The following DGKD variants were observed in gnomAD, a reference collection of about 807,000 sequenced individuals.
DGKD encodes the protein DAG kinase delta.
A neutral mutation model predicts 154.4 loss-of-function variants in DGKD; 68 were observed. The ratio of observed to expected loss-of-function variants is 0.44; its 90% CI spans 0.36 to 0.54. DGKD has a LOEUF of 0.54. DGKD is among the 20% of genes least tolerant of loss of function. DGKD has a pLI of 0.00. For synonymous variants in DGKD, 693 were observed against 638.0 expected (o/e 1.09, Z -1.30); for missense variants, 1,343 against 1,593.6 (o/e 0.84, Z 2.68).
At chr2:233,390,741 G>GT (rs1161159391) in intron 3 of DGKD, among the ~76,000 whole-genome samples, 5 of 151,838 alleles carry the variant, frequency 3.3e-5, no homozygotes, top group South Asian at 2.1e-4. Context: ...CGTCTGTTTT[G>GT]TTTTTTTTGA....
Position 233,452,957 on chromosome 2 carries a change from A to G in DGKD, c.2264+897A>G, listed in dbSNP as rs1019043537. Among the ~76,000 whole-genome samples the G allele has an allele frequency of 2.6e-5, 4 of 152,108 alleles. No individual in the cohort carries two copies. Among genetic ancestry groups the G allele is most frequent in the Non-Finnish European group, 5.9e-5 (4 of 68,012 alleles). ...AGGTGCTGGCCTGGTACAGCACTTC[A>G]GTGTCCCTGTTCCTGGCCTGGTCTA... On this transcript the variant is annotated intron_variant, in intron 18 of 29. Transcript: ENST00000264057. This position sits in a 1 kb window ranked among gnomAD's most constrained non-coding sequence, Gnocchi z 4.0.
intron 3 of DGKD, among the ~76,000 whole-genome samples, chr2:233,396,882 TGATGGAG>T (rs1704078566): frequency 6.7e-6 from 1 of 149,174 alleles, no homozygotes; most frequent in African/African-American, 2.5e-5. Flanking sequence ...CCAGGGTGGC[TGATGGAG>T]GCCAGAGCAA....
intron 1 of DGKD, among the ~76,000 whole-genome samples, chr2:233,365,284 G>T (rs1037957700): frequency 6.6e-6 from 1 of 151,770 alleles, no homozygotes; most frequent in African/African-American, 2.4e-5. Flanking sequence ...AGACTGGAGT[G>T]TAATGGTGCA....
chr2:233,467,129 T>G lies in DGKD; in HGVS notation c.3350T>G (p.Phe1117Cys). ...DLAKRSRSGK[F>C]RLVTKFKKEK... is the part of the protein sequence containing the mutation. Reference sequence around the variant, plus strand: ...GCCAAGCGCAGTCGCAGTGGTAAATTCCGCCTCGTGACCAAGTTTAAAAAG... The same window carrying G: ...GCCAAGCGCAGTCGCAGTGGTAAATGCCGCCTCGTGACCAAGTTTAAAAAG... Residue 1117 changes from phenylalanine to cysteine, a missense_variant, in exon 28 of 30, where the codon TTC becomes TGC. Around this residue, in one of 6 missense-constraint regions of DGKD, gnomAD observed 429 missense variants for 496.3 expected, o/e 0.86. Coordinates refer to ENST00000264057, the MANE Select transcript of DGKD (RefSeq NM_152879.3). 2 of 1,614,202 alleles carry G rather than the reference T, an allele frequency of 1.2e-6. No individual in the cohort carries two copies. The highest frequency in any genetic ancestry group is 1.1e-5 in the South Asian group (1 of 91,082).
In DGKD at chr2:233,438,445, T is replaced by A; in HGVS notation, c.1085+66T>A. The A allele has an allele frequency of 3.9e-6, 5 of 1,280,554 alleles. No homozygotes were observed. The highest frequency in any genetic ancestry group is 3.1e-5 in the South Asian group (2 of 64,274). 79.3% of individuals were successfully genotyped at this position (1,280,554 alleles called of 1,614,324 possible). A position where few individuals can be genotyped will look rare whatever the true frequency, so the allele number is the denominator to read the frequency against. ...AATTGTGTAGATAGTGTGTGCTTGT[T>A]AAAAAAAAAAAGTTCAAAGACACAA... On this transcript the variant is annotated intron_variant, in intron 9 of 29. Transcript: ENST00000264057. The surrounding 1 kb of genome is among the most constrained non-coding windows in gnomAD (Gnocchi z 4.1).
chr2:233,419,869 G>C (rs371883078), intron 3 of DGKD, among the ~76,000 whole-genome samples: 10 of 152,168 alleles, frequency 6.6e-5, no homozygotes, highest in African/African-American at 2.4e-4. Flanking sequence ...TTGGTTTGTG[G>C]TTTGTGGAGG....
chr2:233,390,173 AT>A (rs2125443957), intron 2 of DGKD, among the ~76,000 whole-genome samples: 1 of 152,214 alleles, frequency 6.6e-6, no homozygotes, highest in African/African-American at 2.4e-5. Flanking sequence ...ATGTTTGTAG[AT>A]TTTTTTAAAA....
rs1010313081 is a variant in DGKD at position 233,388,091 on chromosome 2, G to A, written c.157-166G>A. The A allele has an allele frequency of 8.4e-6, 12 of 1,436,878 alleles. No homozygotes were observed. In the Admixed American group the frequency reaches 1.4e-4, roughly 17 times the overall value. 89.0% of individuals were successfully genotyped at this position (1,436,878 alleles called of 1,614,324 possible). ...GATTGGTGCAACCCCCCATGCCCCC[G>A]GCAGCGTGCTGGGCCTGTGCATAGG... On this transcript the variant is annotated intron_variant, in intron 1 of 29. Coordinates refer to ENST00000264057, the MANE Select transcript of DGKD (RefSeq NM_152879.3).
At chr2:233,356,845 C>G (rs1410329696) in intron 1 of DGKD, among the ~76,000 whole-genome samples, 2 of 151,656 alleles carry the variant, frequency 1.3e-5, no homozygotes, top group African/African-American at 2.4e-5. Context: ...AGCAGATAAG[C>G]CATTCACAAA....
In DGKD at chr2:233,441,873, T is replaced by C; in HGVS notation, c.1086-14T>C. 1 of 1,610,566 alleles carries C rather than the reference T, an allele frequency of 6.2e-7. No individual in the cohort carries two copies. Among genetic ancestry groups the C allele is most frequent in the Non-Finnish European group, 8.5e-7 (1 of 1,177,198 alleles). On this transcript the variant is annotated splice_polypyrimidine_tract_variant and intron_variant, in intron 9 of 29. Transcript: ENST00000264057. This position sits in a 1 kb window ranked among gnomAD's most constrained non-coding sequence, Gnocchi z 5.6. Reference sequence around the variant, plus strand: ...AATGGATGTCATTTCACGGCCTTTCTCTTTTCTCTGCAGCTTACGGTTATT... The same window carrying C: ...AATGGATGTCATTTCACGGCCTTTCCCTTTTCTCTGCAGCTTACGGTTATT...
intron 10 of DGKD, 66 bp downstream of exon 10, chr2:233,442,061 A>G: frequency 1.5e-6 from 2 of 1,337,062 alleles, no homozygotes; most frequent in Non-Finnish European, 2.2e-6. Context: ...GAAATCATGC[A>G]GTCTCAGCTC....
chr2:233,372,374 T>G (rs1702365200), intron 1 of DGKD, among the ~76,000 whole-genome samples: 1 of 152,210 alleles, frequency 6.6e-6, no homozygotes. Flanking sequence ...CTTTTTATAG[T>G]TTGGTAAACT....
At chr2:233,392,660 G>C (rs1703700553) in intron 3 of DGKD, among the ~76,000 whole-genome samples, 1 of 152,186 alleles carries the variant, frequency 6.6e-6, no homozygotes, top group Non-Finnish European at 1.5e-5. Context: ...TGTTTCTTAA[G>C]TTCGAGAGAA....
Position 233,409,259 on chromosome 2 carries a change from A to G in DGKD, c.348+18776A>G, listed in dbSNP as rs147817853. Among the ~76,000 whole-genome samples the G allele has an allele frequency of 1.7e-3, 253 of 152,354 alleles. 6 individuals carry two copies. The highest frequency in any genetic ancestry group is 7.7e-3 in the East Asian group (40 of 5,190). ...CTTGTTAATTTTTATGAACAAGTGTAGCGTACTTGTTAATTGTCTTTATTT... is the reference window on the plus strand; with the variant it reads ...CTTGTTAATTTTTATGAACAAGTGTGGCGTACTTGTTAATTGTCTTTATTT... On this transcript the variant is annotated intron_variant, in intron 3 of 29. Coordinates refer to ENST00000264057, the MANE Select transcript of DGKD (RefSeq NM_152879.3).
chr2:233,427,856 G>T (rs1177832734), intron 3 of DGKD, among the ~76,000 whole-genome samples: 1 of 152,198 alleles, frequency 6.6e-6, no homozygotes, highest in African/African-American at 2.4e-5. Flanking sequence ...CAGACATAGG[G>T]ATGCTCTTAG....
chr2:233,398,255 G>C (rs1400613822), intron 3 of DGKD, among the ~76,000 whole-genome samples: 2 of 151,386 alleles, frequency 1.3e-5, no homozygotes, highest in Admixed American at 6.6e-5. Flanking sequence ...CCATTCTCCT[G>C]CCTCAGCCTC....
Position 233,354,544 on chromosome 2 carries a change from C to G in DGKD, c.26C>G (p.Pro9Arg). Residue 9 changes from proline to arginine, a missense_variant, in exon 1 of 30, where the codon CCG becomes CGG. Pro to Arg is a moderately radical substitution (Grantham distance 103). Coordinates refer to ENST00000264057, the MANE Select transcript of DGKD (RefSeq NM_152879.3). This position sits in a 1 kb window ranked among gnomAD's most constrained non-coding sequence, Gnocchi z 4.8. Reference protein sequence around the residue: MAAAAGAPPPGPPQPPPPP... With the variant: MAAAAGAPRPGPPQPPPPP... ...ATGGCGGCGGCGGCGGGCGCCCCTC[C>G]GCCGGGTCCCCCGCAACCGCCTCCG... 2 of 1,005,564 alleles carry G rather than the reference C, an allele frequency of 2.0e-6. No individual in the cohort carries two copies. Among genetic ancestry groups the G allele is most frequent in the South Asian group, 3.7e-5 (1 of 27,290 alleles). 62.3% of individuals were successfully genotyped at this position (1,005,564 alleles called of 1,614,324 possible). A position where few individuals can be genotyped will look rare whatever the true frequency, so the allele number is the denominator to read the frequency against.
At chr2:233,444,377 G>C (rs1345529772) in intron 10 of DGKD, among the ~76,000 whole-genome samples, 1 of 151,898 alleles carries the variant, frequency 6.6e-6, no homozygotes, top group African/African-American at 2.4e-5. Context: ...ATTTCTGCCT[G>C]TGCACCCCCC....
chr2:233,362,044 C>T (rs553820856), intron 1 of DGKD, among the ~76,000 whole-genome samples: 7 of 152,236 alleles, frequency 4.6e-5, no homozygotes, highest in South Asian at 4.1e-4. Context: ...GTGATCTGCC[C>T]GCCTCGGCCT....
Sources: gnomAD v4.1 joint callset for allele counts (sites outside exome capture counted in the v4.1 genomes callset) on GRCh38, gnomAD v4.1.1 for gene constraint, gnomAD v4.1.1 regional missense constraint, Gnocchi (gnomAD v3.1) non-coding constraint, MANE v1.5 for transcripts, NCBI Gene and HGNC (gene_info 2026-07-23, HGNC 2026-07-21) for gene names.